The following RAD23B variants were observed in gnomAD, a reference collection of about 807,000 sequenced individuals.
RAD23B encodes lysine-specific demethylase RAD23B.
A neutral mutation model predicts 49.1 loss-of-function variants in RAD23B; 5 were observed. The ratio of observed to expected loss-of-function variants is 0.10; its 90% CI spans 0.05 to 0.21. The LOEUF (loss-of-function observed/expected upper bound fraction) is 0.21, where lower values mean the gene tolerates loss of function less well. RAD23B is among the 10% of genes least tolerant of loss of function. The pLI is 1.00. For synonymous variants in RAD23B, 184 were observed against 165.4 expected (o/e 1.11, Z -0.86); for missense variants, 356 against 486.7 (o/e 0.73, Z 2.53).
intron 1 of RAD23B, among the ~76,000 whole-genome samples, chr9:107,298,322 TTTA>T (rs1167539851): frequency 1.3e-5 from 2 of 152,046 alleles, no homozygotes; most frequent in Non-Finnish European, 2.9e-5. Context: ...ATTTTATTTA[TTTA>T]TTTTTTAAGG....
chr9:107,290,157 A>G (rs549794458), intron 1 of RAD23B, among the ~76,000 whole-genome samples: 1 of 152,256 alleles, frequency 6.6e-6, no homozygotes, highest in South Asian at 2.1e-4. Flanking sequence ...AGAATTTGGA[A>G]ATAATCGAGA....
intron 1 of RAD23B, chr9:107,284,712 C>T: frequency 8.9e-7 from 1 of 1,121,236 alleles, no homozygotes; most frequent in South Asian, 2.1e-5. Context: ...TAAGTTTAAA[C>T]CAGCAGCTTT....
chr9:107,293,146 T>C (rs1220740227), intron 1 of RAD23B, among the ~76,000 whole-genome samples: 2 of 151,800 alleles, frequency 1.3e-5, no homozygotes, highest in Admixed American at 1.3e-4. Flanking sequence ...CCTCCCCATA[T>C]GTCCTCATGA....
In RAD23B at chr9:107,330,260, A is replaced by C. The variant is rs1039060711; in HGVS notation, c.*604A>C. 1 of 152,632 alleles carries C rather than the reference A, an allele frequency of 6.6e-6. No homozygotes were observed. Among genetic ancestry groups the C allele is most frequent in the Non-Finnish European group, 1.5e-5 (1 of 68,034 alleles). 9.5% of individuals were successfully genotyped at this position (152,632 alleles called of 1,614,324 possible). ...GGGAACCTTTTCTTAAAATGAAAATAATTACTGCTATTTTAAAATTTCTTG... is the reference window on the plus strand; with the variant it reads ...GGGAACCTTTTCTTAAAATGAAAATCATTACTGCTATTTTAAAATTTCTTG... On this transcript the variant is annotated 3_prime_UTR_variant, in exon 10 of 10. Coordinates refer to ENST00000358015, the MANE Select transcript of RAD23B (RefSeq NM_002874.5). This position sits in a 1 kb window ranked among gnomAD's most constrained non-coding sequence, Gnocchi z 4.4.
chr9:107,285,998 C>T (rs950602574), intron 1 of RAD23B, among the ~76,000 whole-genome samples: 16 of 152,074 alleles, frequency 1.1e-4, no homozygotes, highest in African/African-American at 3.6e-4. Context: ...CGCTAAGTGT[C>T]CTGTTTCTAA....
chr9:107,324,930 G>C lies in RAD23B; in HGVS notation c.1042G>C (p.Gly348Arg). 1 of 1,613,722 alleles carries C rather than the reference G, an allele frequency of 6.2e-7. No homozygotes were observed. The highest frequency in any genetic ancestry group is 8.5e-7 in the Non-Finnish European group (1 of 1,179,910). Reference sequence around the variant, plus strand: ...AGGAGGAGGTGGAGGTGGCAGTGGAGGAATTGCAGAAGCTGGAAGTGGTCA... The same window carrying C: ...AGGAGGAGGTGGAGGTGGCAGTGGACGAATTGCAGAAGCTGGAAGTGGTCA... Reference protein sequence around the residue: ...QGGGGGGGSGGIAEAGSGHMN... With the variant: ...QGGGGGGGSGRIAEAGSGHMN... The change falls in exon 9 of 10, where the codon GGA (glycine) becomes CGA (arginine). Residue 348 changes from glycine (G) to arginine (R), a missense_variant. Gly to Arg is a moderately radical substitution (Grantham distance 125, BLOSUM62 -2). This residue lies in a region of RAD23B where 148 missense variants were observed against 231.7 expected (regional missense o/e 0.64). Transcript: ENST00000358015.
At chr9:107,301,979 GAA>G (rs1289308004) in intron 2 of RAD23B, 54 bp from the exon 3 acceptor site, 2 of 1,573,538 alleles carry the variant, frequency 1.3e-6, no homozygotes, top group African/African-American at 2.8e-5. Flanking sequence ...TGTTTTAACT[GAA>G]GTGTAAGAGA....
rs974749641 is a variant in RAD23B, at chr9:107,318,680, G to T, written c.554-72G>T. 2.8e-6 allele frequency: 4 copies of T among 1,447,926 alleles called. No homozygotes were observed. The Admixed American group carries it at 7.4e-5, about 27-fold the overall frequency. 89.7% of individuals were successfully genotyped at this position (1,447,926 alleles called of 1,614,324 possible). ...GTAGTTCCTGAAATGTTGTATACAT[G>T]AATCAATAAATGTATAGAGAATGCT... On this transcript the variant is annotated intron_variant, in intron 5 of 9. Coordinates refer to ENST00000358015, the MANE Select transcript of RAD23B (RefSeq NM_002874.5). This position sits in a 1 kb window ranked among gnomAD's most constrained non-coding sequence, Gnocchi z 4.3.
chr9:107,323,939 A>G lies in RAD23B; in HGVS notation c.867A>G (p.Arg289=), dbSNP rs1286923675. The change falls in exon 8 of 10, where the codon AGA becomes AGG. Residue 289 remains arginine, a synonymous_variant. Coordinates refer to ENST00000358015, the MANE Select transcript of RAD23B (RefSeq NM_002874.5). ...ATCAGCCTCAGTTTCAACAGATGAG[A>G]CAAATTATTCAGCAGAATCCTTCCT... is the stretch of plus-strand genomic sequence containing the variant. The part of the protein sequence containing the change: ...LRNQPQFQQM[R]QIIQQNPSLL... 1 of 1,612,310 alleles carries G rather than the reference A, an allele frequency of 6.2e-7. No homozygotes were observed. The highest frequency in any genetic ancestry group is 8.5e-7 in the Non-Finnish European group (1 of 1,178,346).
intron 3 of RAD23B, among the ~76,000 whole-genome samples, chr9:107,303,150 A>G (rs899510084): frequency 6.6e-6 from 1 of 152,150 alleles, no homozygotes; most frequent in Non-Finnish European, 1.5e-5. Flanking sequence ...TACTCATGAC[A>G]TTCATTTTTA....
In RAD23B at chr9:107,307,435, A is replaced by G. The variant is rs1002197869; in HGVS notation, c.497+788A>G. Among the ~76,000 whole-genome samples the G allele has an allele frequency of 4.6e-5, 7 of 152,380 alleles. No individual in the cohort carries two copies. In the East Asian group the frequency reaches 5.8e-4, roughly 13 times the overall value. On this transcript the variant is annotated intron_variant, in intron 4 of 9. Transcript: ENST00000358015. The stretch of plus-strand genomic sequence containing the variant: ...GAGTTCTCTTGGTTGGAAATCATAC[A>G]GCACAATTCCTTGATCTAAGAGCAT...
Position 107,311,674 on chromosome 9 carries a change from T to G in RAD23B, c.498-8T>G. The stretch of plus-strand genomic sequence containing the variant: ...TTAAAATGTGATTTTTCTAAAATCC[T>G]TTTGTAGTACATCGGGTGATTCTTC... On this transcript the variant is annotated splice_region_variant and splice_polypyrimidine_tract_variant and intron_variant, in intron 4 of 9. Coordinates refer to ENST00000358015, the MANE Select transcript of RAD23B (RefSeq NM_002874.5). The G allele has an allele frequency of 2.5e-6, 4 of 1,572,116 alleles. No homozygotes were observed. The highest frequency in any genetic ancestry group is 3.4e-6 in the Non-Finnish European group (4 of 1,164,998).
At chr9:107,323,814 G>A in intron 7 of RAD23B, 76 bp from the exon 8 acceptor site, 1 of 1,339,554 alleles carries the variant, frequency 7.5e-7, no homozygotes, top group South Asian at 1.2e-5. Context: ...AGTGTTTGCT[G>A]TCTAAATGTA....
chr9:107,287,498 T>C (rs1379176419), intron 1 of RAD23B, among the ~76,000 whole-genome samples: 1 of 152,206 alleles, frequency 6.6e-6, no homozygotes, highest in East Asian at 1.9e-4. Context: ...TTAATATCTA[T>C]AAATAGCATA....
intron 7 of RAD23B, 57 bp from the exon 8 acceptor site, chr9:107,323,833 C>A: frequency 1.4e-6 from 2 of 1,463,478 alleles, no homozygotes; most frequent in Non-Finnish European, 1.9e-6. Flanking sequence ...TATTATTTAA[C>A]CACTGTTTGT....
intron 1 of RAD23B, among the ~76,000 whole-genome samples, chr9:107,295,025 G>A (rs1234184153): frequency 6.6e-6 from 1 of 152,020 alleles, no homozygotes; most frequent in Non-Finnish European, 1.5e-5. Context: ...GTATCATTAT[G>A]GTGTTGCAGA....
intron 4 of RAD23B, among the ~76,000 whole-genome samples, chr9:107,307,765 G>C (rs987024930): frequency 6.6e-6 from 1 of 152,138 alleles, no homozygotes; most frequent in Admixed American, 6.6e-5. Context: ...TTGCTTACTT[G>C]GGGGTCTCTT....
At chr9:107,311,868 G>T in intron 5 of RAD23B, 131 bp downstream of exon 5, 2 of 669,592 alleles carry the variant, frequency 3.0e-6, no homozygotes, top group Non-Finnish European at 4.8e-6. Flanking sequence ...GATTGATTTA[G>T]GTAATTATTC....
intron 3 of RAD23B, among the ~76,000 whole-genome samples, chr9:107,305,060 GGGC>G (rs1176539517): frequency 6.6e-6 from 1 of 152,154 alleles, no homozygotes; most frequent in Non-Finnish European, 1.5e-5. Context: ...AGGCCAAGGT[GGGC>G]GGATCGCTTG....
Sources: gnomAD v4.1 joint callset for allele counts (sites outside exome capture counted in the v4.1 genomes callset) on GRCh38, gnomAD v4.1.1 for gene constraint, gnomAD v4.1.1 regional missense constraint, Gnocchi (gnomAD v3.1) non-coding constraint, MANE v1.5 for transcripts, NCBI Gene and HGNC (gene_info 2026-07-23, HGNC 2026-07-21) for gene names.